The following PTH2R variants were observed in gnomAD, a reference collection of about 807,000 sequenced individuals.
The protein encoded by PTH2R is parathyroid hormone 2 receptor.
In PTH2R, 59 loss-of-function variants were observed where a neutral mutation model predicts 60.3. The observed-to-expected ratio is 0.98, with a 90% confidence interval of 0.79 to 1.22. The LOEUF is 1.22. Among genes scored for constraint, PTH2R ranks in the 50% most tolerant of loss-of-function variants. The pLI is 0.00. For missense variants in PTH2R, 749 were observed against 682.6 expected (o/e 1.10, Z -1.08); for synonymous variants, 256 against 243.8 (o/e 1.05, Z -0.47).
chr2:208,442,394 T>C lies in PTH2R; in HGVS notation c.442T>C (p.Tyr148His), dbSNP rs754254850. ...QEFFERLYVM[Y>H]TVGYSISFGS... ...ATTCTTTGAACGCCTCTATGTAATG[T>C]ATACCGTTGGCTACTCCATCTCTTT... Residue 148 changes from tyrosine to histidine, a missense_variant, in exon 5 of 13, where the codon TAT (tyrosine) becomes CAT (histidine). Coordinates refer to ENST00000272847, the MANE Select transcript of PTH2R (RefSeq NM_005048.4). The C allele has an allele frequency of 6.2e-6, 10 of 1,613,386 alleles. No individual in the cohort carries two copies. In the South Asian group the frequency reaches 1.1e-4, roughly 18 times the overall value.
rs34110985 is a variant in PTH2R at position 208,369,366 on chromosome 2, C to CTTTTTTTTTTTTTTTTTT, written c.-259+9130_-259+9131insTTTTTTTTTTTTTTTTTT. Reference sequence around the variant, plus strand: ...TTGTCTGTAAACAACACTGGTCTCTCTCTCTTTTTTTTTTTTTTTAGAAGG... The same window carrying CTTTTTTTTTTTTTTTTTT: ...TTGTCTGTAAACAACACTGGTCTCTCTTTTTTTTTTTTTTTTTTTCTCTTTTTTTTTTTTTTTAGAAGG... On this transcript the variant is annotated intron_variant, in intron 1 of 12. Coordinates refer to the PTH2R transcript ENST00000617735. Among the ~76,000 whole-genome samples the CTTTTTTTTTTTTTTTTTT allele has an allele frequency of 1.5e-5, 2 of 135,074 alleles. 1 individual carries two copies. The allele number at this position is 135,074 out of a possible 152,430, so 88.6% of individuals were successfully genotyped here. A position where few individuals can be genotyped will look rare whatever the true frequency, so the allele number is the denominator to read the frequency against.
chr2:208,407,076 G>T lies in PTH2R; in HGVS notation c.33G>T (p.Trp11Cys). Residue 11 changes from tryptophan (W) to cysteine (C), a missense_variant, in exon 1 of 13, where the codon TGG becomes TGT. By Grantham distance (215) the Trp-to-Cys change is radical. Coordinates refer to ENST00000272847, the MANE Select transcript of PTH2R (RefSeq NM_005048.4). Reference sequence around the variant, plus strand: ...GGCTGGGGGCGTCGCTCCACGTCTGGGGTTGGCTAATGCTCGGCAGCTGCC... The same window carrying T: ...GGCTGGGGGCGTCGCTCCACGTCTGTGGTTGGCTAATGCTCGGCAGCTGCC... MAGLGASLHV[W>C]GWLMLGSCLL... The T allele has an allele frequency of 7.2e-7, 1 of 1,397,812 alleles. No individual in the cohort carries two copies. Among genetic ancestry groups the T allele is most frequent in the Non-Finnish European group, 9.4e-7 (1 of 1,069,058 alleles). The allele number at this position is 1,397,812 out of a possible 1,614,324, so 86.6% of individuals were successfully genotyped here.
intron 8 of PTH2R, 104 bp from the exon 9 acceptor site, chr2:208,459,791 T>C (rs1702595688): frequency 2.3e-6 from 2 of 877,356 alleles, no homozygotes; most frequent in Non-Finnish European, 3.7e-6. Flanking sequence ...TGTTTCTTAA[T>C]TGGAAGTGTG....
intron 9 of PTH2R, among the ~76,000 whole-genome samples, chr2:208,463,916 C>T (rs1464291447): frequency 6.6e-6 from 1 of 152,218 alleles, no homozygotes; most frequent in Non-Finnish European, 1.5e-5. Context: ...CTTCTGATTA[C>T]AGAATGTCCA....
chr2:208,467,604 A>G (rs1025725318), intron 9 of PTH2R, among the ~76,000 whole-genome samples: 8 of 152,150 alleles, frequency 5.3e-5, no homozygotes, highest in African/African-American at 1.9e-4. Context: ...AATTGGGGTG[A>G]CCACCTGTTG....
Position 208,450,670 on chromosome 2 carries a change from C to A in PTH2R, c.854-79C>A, listed in dbSNP as rs568533234. On this transcript the variant is annotated intron_variant, in intron 7 of 12. Transcript: ENST00000272847. The stretch of plus-strand genomic sequence containing the variant: ...ATCTCTGAACAGCTAATAGTATATT[C>A]TTATATATGGTGAATTTGAGGAAAA... 414 of 1,386,190 alleles carry A rather than the reference C, an allele frequency of 3.0e-4. 2 individuals carry two copies. In the South Asian group the frequency reaches 4.6e-3, roughly 15 times the overall value. The allele number at this position is 1,386,190 out of a possible 1,614,324, so 85.9% of individuals were successfully genotyped here. A position where few individuals can be genotyped will look rare whatever the true frequency, so the allele number is the denominator to read the frequency against.
rs543543092 is a variant in PTH2R at position 208,489,129 on chromosome 2, G to A, written c.1194G>A (p.Glu398=). The A allele has an allele frequency of 5.1e-5, 83 of 1,613,978 alleles. No homozygotes were observed. In the South Asian group the frequency reaches 8.6e-4, roughly 17 times the overall value. The stretch of plus-strand genomic sequence containing the variant: ...GGTGGGAGATCCGCATGCACTGTGA[G>A]CTCTTCTTCAACTCCTTTCAGGTAA... ...GLGWEIRMHC[E]LFFNSFQGFF... The change falls in exon 11 of 13, where the codon GAG becomes GAA. Residue 398 remains glutamate, a synonymous_variant. Coordinates refer to ENST00000272847, the MANE Select transcript of PTH2R (RefSeq NM_005048.4).
At chr2:208,376,684 C>T (rs1275342014) in intron 1 of PTH2R, among the ~76,000 whole-genome samples, 1 of 152,030 alleles carries the variant, frequency 6.6e-6, no homozygotes. Flanking sequence ...CAAAACCCAG[C>T]TTCTACCCAA....
chr2:208,389,244 AC>A (rs1701062820), intron 1 of PTH2R, among the ~76,000 whole-genome samples: 1 of 151,624 alleles, frequency 6.6e-6, no homozygotes, highest in Non-Finnish European at 1.5e-5. Context: ...ACACACACAC[AC>A]ACACACACAC....
At chr2:208,373,084 T>C (rs1700732210) in intron 1 of PTH2R, among the ~76,000 whole-genome samples, 1 of 152,072 alleles carries the variant, frequency 6.6e-6, no homozygotes, top group South Asian at 2.1e-4. Context: ...AGACCCCGTC[T>C]CAAATAAATA....
At chr2:208,376,719 C>T (rs1418494653) in intron 1 of PTH2R, among the ~76,000 whole-genome samples, 1 of 152,026 alleles carries the variant, frequency 6.6e-6, no homozygotes, top group Non-Finnish European at 1.5e-5. Context: ...ATTTCTTGAT[C>T]TTGTAATGTT....
chr2:208,425,612 TA>T (rs1701841978), intron 1 of PTH2R, among the ~76,000 whole-genome samples: 1 of 152,220 alleles, frequency 6.6e-6, no homozygotes, highest in Non-Finnish European at 1.5e-5. Context: ...GTCACTTCTA[TA>T]AAAGTTGCTG....
chr2:208,462,105 T>C (rs1032687319), intron 9 of PTH2R, among the ~76,000 whole-genome samples: 8 of 152,238 alleles, frequency 5.3e-5, no homozygotes, highest in African/African-American at 1.7e-4. Context: ...GTTTCATTAT[T>C]ATAATTTAGT....
chr2:208,420,458 T>A, intron 1 of PTH2R, among the ~76,000 whole-genome samples: 1 of 152,194 alleles, frequency 6.6e-6, no homozygotes, highest in South Asian at 2.1e-4. Context: ...GCTCTCAATT[T>A]TTTTTTGCTA....
intron 4 of PTH2R, among the ~76,000 whole-genome samples, chr2:208,438,644 T>C (rs1327665806): frequency 6.6e-6 from 1 of 152,200 alleles, no homozygotes; most frequent in African/African-American, 2.4e-5. Context: ...TAAAAATGCA[T>C]GATGATATAT....
intron 1 of PTH2R, among the ~76,000 whole-genome samples, chr2:208,410,125 G>A (rs1239416918): frequency 6.6e-6 from 1 of 152,174 alleles, no homozygotes; most frequent in African/African-American, 2.4e-5. Flanking sequence ...CCAGCATGAA[G>A]ATTCAGAGCC....
chr2:208,408,737 AGAAAG>A (rs1559211098), intron 1 of PTH2R, among the ~76,000 whole-genome samples: 1 of 62,260 alleles, frequency 1.6e-5, no homozygotes, highest in Non-Finnish European at 4.8e-5. Flanking sequence ...AGAGAGAGAG[AGAAAG>A]AGAGAGAGAG....
intron 1 of PTH2R, among the ~76,000 whole-genome samples, chr2:208,387,521 C>T (rs970377): frequency 0.77 from 117,179 of 152,054 alleles, 47,367 homozygotes; most frequent in East Asian, 0.94. Context: ...GACTTTGTTG[C>T]TTTGATTCCC....
intron 1 of PTH2R, among the ~76,000 whole-genome samples, chr2:208,408,766 A>AG (rs58836876): frequency 2.1e-4 from 23 of 109,590 alleles, no homozygotes; most frequent in African/African-American, 9.4e-4. Flanking sequence ...GAGAGAGAGA[A>AG]ATAAATAATA....
Sources: allele counts gnomAD v4.1 joint callset (sites outside exome capture counted in the v4.1 genomes callset), GRCh38; gene constraint gnomAD v4.1.1; transcripts MANE v1.5; gene names NCBI Gene and HGNC (gene_info 2026-07-23, HGNC 2026-07-21).